DTNA: variants seen among roughly 807,000 people sequenced by gnomAD.
DTNA encodes the protein dystrophin-related protein 3.
In DTNA, 43 loss-of-function variants were observed where a neutral mutation model predicts 100.7. The ratio of observed to expected loss-of-function variants is 0.43; its 90% CI spans 0.33 to 0.55. The LOEUF (loss-of-function observed/expected upper bound fraction) is 0.55, where lower values mean the gene tolerates loss of function less well. Among genes scored for constraint, DTNA ranks in the 20% least tolerant of loss-of-function variants. DTNA has a pLI of 0.04. For missense variants in DTNA, 798 were observed against 953.9 expected (o/e 0.84, Z 2.15); for synonymous variants, 349 against 347.9 (o/e 1.00, Z -0.04).
At chr18:34,667,873 G>T (rs189515220) in intron 1 of DTNA, among the ~76,000 whole-genome samples, 3,935 of 152,268 alleles carry the variant, frequency 0.026, 81 homozygotes, top group Non-Finnish European at 0.037. Flanking sequence ...AGGGATATTG[G>T]TCTAAAATTC....
chr18:34,890,470 G>A lies in DTNA; in HGVS notation c.*2736G>A. Reference sequence around the variant, plus strand: ...AAACCCAGCAAGTTTCACTTGTCCTGTCCATTAGATACAACTACATCTTGC... The same window carrying A: ...AAACCCAGCAAGTTTCACTTGTCCTATCCATTAGATACAACTACATCTTGC... On this transcript the variant is annotated 3_prime_UTR_variant, in exon 23 of 23. Coordinates refer to ENST00000444659, the MANE Select transcript of DTNA (RefSeq NM_001386795.1). The A allele has an allele frequency of 2.0e-6, 3 of 1,535,952 alleles. No individual in the cohort carries two copies. Among genetic ancestry groups the A allele is most frequent in the Non-Finnish European group, 2.6e-6 (3 of 1,146,844 alleles).
chr18:34,610,786 C>A (rs1375316887), intron 1 of DTNA, among the ~76,000 whole-genome samples: 4 of 152,128 alleles, frequency 2.6e-5, no homozygotes, highest in Non-Finnish European at 5.9e-5. Context: ...TTATTCTCAT[C>A]TCTTAAATTG....
rs114203363 is a variant in DTNA, at chr18:34,872,681, C to A, written c.1744-2558C>A. ...CCTCCCATCACCCTGAGCACCCATA[C>A]ATCTTTTCCATGATCCAGCAACTAA... On this transcript the variant is annotated intron_variant, in intron 17 of 22. Transcript: ENST00000444659. 1.6e-3 allele frequency among the ~76,000 whole-genome samples: 241 copies of A among 152,356 alleles called. 2 individuals are homozygous for A. The highest frequency in any genetic ancestry group is 5.7e-3 in the African/African-American group (235 of 41,578).
chr18:34,780,024 C>G (rs2094245378), intron 3 of DTNA, among the ~76,000 whole-genome samples: 1 of 152,004 alleles, frequency 6.6e-6, no homozygotes. Context: ...CTGATATCTG[C>G]CCTATCAATC....
At chr18:34,636,042 T>C (rs1043277214) in intron 1 of DTNA, among the ~76,000 whole-genome samples, 5 of 152,230 alleles carry the variant, frequency 3.3e-5, no homozygotes, top group African/African-American at 1.2e-4. Context: ...ATGTTTCACG[T>C]GTGTGCACAC....
intron 1 of DTNA, among the ~76,000 whole-genome samples, chr18:34,530,810 C>T (rs2043066243): frequency 6.6e-6 from 1 of 152,074 alleles, no homozygotes; most frequent in African/African-American, 2.4e-5. Context: ...CATTCTTAAC[C>T]ATTCTGCTAA....
chr18:34,594,892 C>T lies in DTNA; in HGVS notation c.-2+101378C>T, dbSNP rs149340904. ...CCCCCGTTTTCTTGTCAAGCAAGAC[C>T]TATACTCAAGAAAGAATCTGACTTA... On this transcript the variant is annotated intron_variant, in intron 1 of 19. Transcript: ENST00000283365. 3.8e-3 allele frequency among the ~76,000 whole-genome samples: 576 copies of T among 152,216 alleles called. 2 individuals carry two copies. Among genetic ancestry groups the T allele is most frequent in the African/African-American group, 0.014 (561 of 41,532 alleles).
At chr18:34,875,983 AT>A (rs899978550) in intron 18 of DTNA, among the ~76,000 whole-genome samples, 2 of 152,178 alleles carry the variant, frequency 1.3e-5, no homozygotes, top group Non-Finnish European at 1.5e-5. Context: ...ATTTAGAAAT[AT>A]TTTTAACACT....
At chr18:34,859,654 G>A (rs1430042764) in intron 16 of DTNA, among the ~76,000 whole-genome samples, 4 of 152,178 alleles carry the variant, frequency 2.6e-5, no homozygotes, top group Non-Finnish European at 5.9e-5. Flanking sequence ...ACTTGGGTGT[G>A]GAAAGGCGAG....
chr18:34,796,238 C>G (rs2094964225), intron 4 of DTNA, among the ~76,000 whole-genome samples: 1 of 152,204 alleles, frequency 6.6e-6, no homozygotes, highest in African/African-American at 2.4e-5. Context: ...TACTGACACT[C>G]AAATTTTCCA....
chr18:34,578,866 A>G (rs538333648), intron 1 of DTNA, among the ~76,000 whole-genome samples: 93 of 152,268 alleles, frequency 6.1e-4, no homozygotes, highest in African/African-American at 2.1e-3. Flanking sequence ...TTTGGTGACC[A>G]TGGCCTTTAC....
chr18:34,694,790 A>T (rs1364141198), intron 1 of DTNA, among the ~76,000 whole-genome samples: 1 of 152,162 alleles, frequency 6.6e-6, no homozygotes, highest in African/African-American at 2.4e-5. Flanking sequence ...CCAGGGTAGT[A>T]GCATCCACAA....
At chr18:34,809,398 G>A (rs1045269873) in intron 5 of DTNA, among the ~76,000 whole-genome samples, 2 of 152,094 alleles carry the variant, frequency 1.3e-5, no homozygotes, top group African/African-American at 2.4e-5. Flanking sequence ...CAGAGGTTGC[G>A]TGAGTTGAGA....
chr18:34,706,920 T>C (rs1350888495), upstream of DTNA, among the ~76,000 whole-genome samples: 1 of 152,178 alleles, frequency 6.6e-6, no homozygotes, highest in Non-Finnish European at 1.5e-5. Context: ...TAGATCACAA[T>C]CTTTTTTTGT....
rs532596095 is a variant in DTNA at position 34,816,477 on chromosome 18, TGTAC to T, written c.709+464_709+467del. On this transcript the variant is annotated intron_variant, in intron 7 of 22. Transcript: ENST00000444659. ...TTCCAGATTGTGAGCTTTCAATAGTTGTACTTACGTTAAAGATAAGAGTAAAATA... is the reference window on the plus strand; with the variant it reads ...TTCCAGATTGTGAGCTTTCAATAGTTTTACGTTAAAGATAAGAGTAAAATA... 3.9e-4 allele frequency among the ~76,000 whole-genome samples: 59 copies of T among 152,360 alleles called. 1 individual carries two copies. The South Asian group carries it at 7.2e-3, about 19-fold the overall frequency.
intron 1 of DTNA, among the ~76,000 whole-genome samples, chr18:34,526,972 A>G (rs2042684765): frequency 6.6e-6 from 1 of 152,126 alleles, no homozygotes; most frequent in African/African-American, 2.4e-5. Flanking sequence ...AGGAACAGAC[A>G]CTGAAATCTT....
At chr18:34,735,458 C>A (rs2089363634) in intron 1 of DTNA, among the ~76,000 whole-genome samples, 1 of 152,148 alleles carries the variant, frequency 6.6e-6, no homozygotes, top group Non-Finnish European at 1.5e-5. Flanking sequence ...ACCTTATATG[C>A]CAGGCTCTTA....
chr18:34,885,264 G>T (rs1224461818), intron 22 of DTNA, among the ~76,000 whole-genome samples: 2 of 152,110 alleles, frequency 1.3e-5, no homozygotes, highest in East Asian at 1.9e-4. Flanking sequence ...GAACAAAAGA[G>T]CCCAAACAGA....
chr18:34,638,353 A>T (rs1482056319), intron 1 of DTNA, among the ~76,000 whole-genome samples: 1 of 152,226 alleles, frequency 6.6e-6, no homozygotes, highest in African/African-American at 2.4e-5. Context: ...AATCTGTGAC[A>T]AGTGCTATAA....
Sources: gnomAD v4.1 joint callset for allele counts (sites outside exome capture counted in the v4.1 genomes callset) on GRCh38, gnomAD v4.1.1 for gene constraint, MANE v1.5 for transcripts, NCBI Gene and HGNC (gene_info 2026-07-23, HGNC 2026-07-21) for gene names.